Variants in DOCK10 observed in about 807,000 individuals in gnomAD.
DOCK10 encodes the protein dedicator of cytokinesis protein 10.
DOCK10 carries 145 observed loss-of-function variants against 280.1 expected under a neutral mutation model. The ratio of observed to expected loss-of-function variants is 0.52; its 90% CI spans 0.45 to 0.59. The LOEUF is 0.59. DOCK10 is among the 20% of genes least tolerant of loss of function. The pLI is 0.00. For missense variants in DOCK10, 2,368 were observed against 2,651.7 expected (o/e 0.89, Z 2.35); for synonymous variants, 915 against 942.2 (o/e 0.97, Z 0.53).
intron 2 of DOCK10, among the ~76,000 whole-genome samples, chr2:224,921,732 T>G (rs1247205470): frequency 6.6e-6 from 1 of 152,164 alleles, no homozygotes; most frequent in African/African-American, 2.4e-5. Context: ...AGAGAATACA[T>G]GTATGATGTA....
At chr2:224,950,499 G>T (rs1235503890) in intron 1 of DOCK10, among the ~76,000 whole-genome samples, 3 of 152,128 alleles carry the variant, frequency 2.0e-5, no homozygotes, top group Admixed American at 1.3e-4. Flanking sequence ...AGTCCAGGGG[G>T]TCCAGCTACT....
At chr2:224,890,727 A>C (rs2125792317) in intron 4 of DOCK10, among the ~76,000 whole-genome samples, 1 of 152,332 alleles carries the variant, frequency 6.6e-6, no homozygotes, top group South Asian at 2.1e-4. Flanking sequence ...TGAAAATCAG[A>C]GCACTGATTG....
chr2:224,891,361 T>C (rs1418010089), intron 4 of DOCK10, among the ~76,000 whole-genome samples: 1 of 152,194 alleles, frequency 6.6e-6, no homozygotes, highest in Non-Finnish European at 1.5e-5. Flanking sequence ...AACAGATACA[T>C]ATAAACTATT....
chr2:225,040,515 T>TGC (rs1553635409), intron 1 of DOCK10, among the ~76,000 whole-genome samples: 3 of 33,356 alleles, frequency 9.0e-5, no homozygotes, highest in African/African-American at 1.2e-4. Flanking sequence ...AAGCAGTGCG[T>TGC]GTGTGTGTGT....
intron 27 of DOCK10, among the ~76,000 whole-genome samples, chr2:224,828,488 T>C (rs190112709): frequency 3.9e-5 from 6 of 152,208 alleles, no homozygotes; most frequent in East Asian, 1.9e-4. Flanking sequence ...GGAATGGACA[T>C]TAATTGAGAC....
At chr2:224,855,479 G>C (rs1406289116) in intron 15 of DOCK10, among the ~76,000 whole-genome samples, 2 of 152,116 alleles carry the variant, frequency 1.3e-5, no homozygotes, top group Non-Finnish European at 2.9e-5. Flanking sequence ...TAAGTGGATG[G>C]TCCATATTCT....
chr2:224,845,197 C>G lies in DOCK10; in HGVS notation c.2481+6G>C, dbSNP rs1465826712. The G allele has an allele frequency of 1.3e-6, 2 of 1,566,926 alleles. No individual in the cohort carries two copies. Among genetic ancestry groups the G allele is most frequent in the Non-Finnish European group, 1.7e-6 (2 of 1,154,216 alleles). ...TTAAAATCTTAAATTACACATTATT[C>G]AATACCTTTCCACTTGCAGAATCTT... is the stretch of plus-strand genomic sequence containing the variant. On this transcript the variant is annotated splice_donor_region_variant and intron_variant, in intron 21 of 55. Transcript: ENST00000258390.
chr2:224,852,421 T>G lies in DOCK10; in HGVS notation c.2098A>C (p.Ile700Leu). ...TCTTCATCTGAATTTTTGAATTCAA[T>G]GCACACAGTTATATTCCGTGCCTGA... The part of the protein sequence containing the change: ...FNKARNITVC[I>L]EFKNSDEESA... The change falls in exon 18 of 56, where the codon ATT (isoleucine) becomes CTT (leucine). Residue 700 changes from isoleucine (I) to leucine (L), a missense_variant. Around this residue, in one of 2 missense-constraint regions of DOCK10, gnomAD observed 1,209 missense variants for 1,250.9 expected, o/e 0.97. Coordinates refer to ENST00000258390, the MANE Select transcript of DOCK10 (RefSeq NM_014689.3). The G allele has an allele frequency of 6.4e-7, 1 of 1,569,292 alleles. No homozygotes were observed. The highest frequency in any genetic ancestry group is 8.7e-7 in the Non-Finnish European group (1 of 1,155,934).
chr2:224,948,345 T>A (rs1332181613), intron 1 of DOCK10, among the ~76,000 whole-genome samples: 1 of 152,230 alleles, frequency 6.6e-6, no homozygotes. Context: ...AATTATATCA[T>A]TACTTTGTAA....
chr2:224,852,786 C>T (rs916952046), intron 17 of DOCK10, 149 bp downstream of exon 17: 1 of 600,904 alleles, frequency 1.7e-6, no homozygotes, highest in East Asian at 2.9e-5. Flanking sequence ...TAAAACTCAT[C>T]AGTGCCTCTT....
chr2:224,804,000 ATGTGTGTGTGTGTGTG>A (rs71062961), intron 39 of DOCK10, 96 bp downstream of exon 39: 27 of 461,764 alleles, frequency 5.8e-5, no homozygotes, highest in Non-Finnish European at 9.1e-5. Flanking sequence ...AAATAGAAAT[ATGTGTGTGTGTGTGTG>A]TGTGTGTGTG....
chr2:224,767,001 C>T (rs1273844301), intron 55 of DOCK10, among the ~76,000 whole-genome samples: 2 of 152,174 alleles, frequency 1.3e-5, no homozygotes, highest in Non-Finnish European at 2.9e-5. Flanking sequence ...ACTCCTCTAG[C>T]TAATACTTTT....
At chr2:224,967,241 G>A (rs963913980) in intron 1 of DOCK10, among the ~76,000 whole-genome samples, 15 of 152,024 alleles carry the variant, frequency 9.9e-5, no homozygotes, top group African/African-American at 2.4e-4. Context: ...CACCATGTCC[G>A]GCTAATTTTT....
In DOCK10 at chr2:224,789,180, A is replaced by C. The variant is rs1691966435; in HGVS notation, c.5312-10T>G. The C allele has an allele frequency of 6.4e-7, 1 of 1,566,078 alleles. No homozygotes were observed. Among genetic ancestry groups the C allele is most frequent in the Non-Finnish European group, 8.8e-7 (1 of 1,137,786 alleles). On this transcript the variant is annotated splice_polypyrimidine_tract_variant and intron_variant, in intron 47 of 55. Transcript: ENST00000258390. Reference sequence around the variant, plus strand: ...CCCATAGAGAACATGCCTTGGGAGGACCAAGCAGAATAAAACATTATTATT... The same window carrying C: ...CCCATAGAGAACATGCCTTGGGAGGCCCAAGCAGAATAAAACATTATTATT...
At chr2:224,810,422 G>C (rs58603234) in intron 31 of DOCK10, among the ~76,000 whole-genome samples, 5,045 of 152,104 alleles carry the variant, frequency 0.033, 253 homozygotes, top group African/African-American at 0.11. Context: ...CAAATACGTA[G>C]CATAGTAAGA....
chr2:224,794,951 G>C lies in DOCK10; in HGVS notation c.5082C>G (p.Ser1694Arg), dbSNP rs1323113264. The change falls in exon 45 of 56, where the codon AGC becomes AGG. Residue 1694 changes from serine to arginine, a missense_variant. Transcript: ENST00000258390. ...LQYSLANSYA[S>R]TPELRRTWLE... ...GCCAGGTCCTGCGTAGTTCAGGAGT[G>C]CTTGCGTAGGAGTTTGCCAGGCTGT... is the stretch of plus-strand genomic sequence containing the variant. 4 of 1,613,920 alleles carry C rather than the reference G, an allele frequency of 2.5e-6. No individual in the cohort carries two copies. Among genetic ancestry groups the C allele is most frequent in the Non-Finnish European group, 8.5e-7 (1 of 1,179,856 alleles).
intron 33 of DOCK10, chr2:224,807,277 T>G (rs936061614): frequency 5.9e-6 from 1 of 168,618 alleles, no homozygotes; most frequent in Non-Finnish European, 1.3e-5. Flanking sequence ...AGGATTATAG[T>G]CACTCCTGGG....
chr2:224,998,296 T>C (rs1706328185), intron 1 of DOCK10, among the ~76,000 whole-genome samples: 1 of 102,582 alleles, frequency 9.7e-6, no homozygotes, highest in South Asian at 3.9e-4. Flanking sequence ...TGAGTCAGGA[T>C]TAGCAGCTGC....
At chr2:224,982,092 TA>T (rs1705778443) in intron 1 of DOCK10, 2 of 738,624 alleles carry the variant, frequency 2.7e-6, no homozygotes, top group Non-Finnish European at 3.7e-6. Context: ...TTCAGAGTAG[TA>T]AACTCTAGGT....
Sources: allele counts gnomAD v4.1 joint callset (sites outside exome capture counted in the v4.1 genomes callset), GRCh38; gene constraint gnomAD v4.1.1; regional missense constraint gnomAD v4.1.1; transcripts MANE v1.5; gene names NCBI Gene and HGNC (gene_info 2026-07-23, HGNC 2026-07-21).